Variants in SPMIP3 observed in about 807,000 individuals in gnomAD.
SPMIP3 encodes the protein sperm microtubule inner protein 3.
At chr1:244,369,513 A>T in the SPMIP3 span, among the ~76,000 whole-genome samples, 3 of 152,190 alleles carry the variant, frequency 2.0e-5, no homozygotes, top group Non-Finnish European at 4.4e-5. Flanking sequence ...GGACGTGAAC[A>T]CACAAGGAGT....
At chr1:244,361,235 C>CTTTTTTTTTTTTTTTTT in the SPMIP3 span, among the ~76,000 whole-genome samples, 466 of 119,222 alleles carry the variant, frequency 3.9e-3, 11 homozygotes, top group Non-Finnish European at 5.8e-3. Flanking sequence ...TTCTTTCTTT[C>CTTTTTTTTTTTTTTTTT]TTTTTTTTTT....
At chr1:244,357,011 C>T in the SPMIP3 span, among the ~76,000 whole-genome samples, 1 of 151,104 alleles carries the variant, frequency 6.6e-6, no homozygotes, top group African/African-American at 2.4e-5. Flanking sequence ...CAACCTCCAC[C>T]TCCCAGGCTC....
At chr1:244,375,392 G>A in the SPMIP3 span, 1 of 1,613,776 alleles carries the variant, frequency 6.2e-7, no homozygotes, top group South Asian at 1.1e-5. Context: ...GCTCACCAAG[G>A]AAGAGACGTT....
the SPMIP3 span, among the ~76,000 whole-genome samples, chr1:244,375,942 C>G: frequency 1.3e-5 from 2 of 152,196 alleles, no homozygotes; most frequent in African/African-American, 4.8e-5. Flanking sequence ...GCTGGGATTA[C>G]AGGCATGAGC....
chr1:244,388,807 CT>C, the SPMIP3 span: 8 of 587,996 alleles, frequency 1.4e-5, no homozygotes, highest in Non-Finnish European at 1.8e-5. Flanking sequence ...TGACTGAGTC[CT>C]TTTTCCCACA....
chr1:244,361,596 TC>T, the SPMIP3 span, among the ~76,000 whole-genome samples: 3,516 of 152,244 alleles, frequency 0.023, 120 homozygotes, highest in African/African-American at 0.079. Context: ...AATGATAAAT[TC>T]TTGAGGTGAT....
chr1:244,360,681 C>A, the SPMIP3 span, among the ~76,000 whole-genome samples: 1 of 151,884 alleles, frequency 6.6e-6, no homozygotes, highest in Non-Finnish European at 1.5e-5. Context: ...GTCAGGAGTT[C>A]CAAGACCAGC....
the SPMIP3 span, among the ~76,000 whole-genome samples, chr1:244,361,235 C>CTTTCT: frequency 1.7e-5 from 2 of 119,314 alleles, no homozygotes; most frequent in African/African-American, 6.1e-5. Flanking sequence ...TTCTTTCTTT[C>CTTTCT]TTTTTTTTTT....
the SPMIP3 span, among the ~76,000 whole-genome samples, chr1:244,354,779 T>G: frequency 1.3e-5 from 2 of 152,226 alleles, no homozygotes. Flanking sequence ...TTTCAGATGC[T>G]TCATATCAGG....
At chr1:244,364,734 C>T in the SPMIP3 span, 16 of 1,613,908 alleles carry the variant, frequency 9.9e-6, no homozygotes, top group South Asian at 6.6e-5. Context: ...ATTTATTGAG[C>T]GTCGCCCAGT....
At chr1:244,367,354 A>G in the SPMIP3 span, among the ~76,000 whole-genome samples, 1 of 152,076 alleles carries the variant, frequency 6.6e-6, no homozygotes. Context: ...TGAGGACAAG[A>G]GTGGGGGTTA....
At chr1:244,373,933 G>A in the SPMIP3 span, among the ~76,000 whole-genome samples, 1 of 151,948 alleles carries the variant, frequency 6.6e-6, no homozygotes, top group African/African-American at 2.4e-5. Context: ...AGCCACCATG[G>A]TGAAACCCAT....
the SPMIP3 span, among the ~76,000 whole-genome samples, chr1:244,363,085 T>C: frequency 6.6e-6 from 1 of 151,788 alleles, no homozygotes; most frequent in Non-Finnish European, 1.5e-5. Context: ...AGTAGTTTGC[T>C]TGTGGCAAGC....
chr1:244,353,271 G>C, the SPMIP3 span, among the ~76,000 whole-genome samples: 2 of 152,116 alleles, frequency 1.3e-5, no homozygotes, highest in African/African-American at 4.8e-5. Context: ...TTGGCCAAGC[G>C]TGGCGGCTCA....
the SPMIP3 span, among the ~76,000 whole-genome samples, chr1:244,381,815 C>T: frequency 6.6e-6 from 1 of 152,196 alleles, no homozygotes; most frequent in African/African-American, 2.4e-5. Context: ...CCTATAATCC[C>T]AGCTACCTGG....
At chr1:244,357,261 C>T in the SPMIP3 span, among the ~76,000 whole-genome samples, 2 of 121,540 alleles carry the variant, frequency 1.6e-5, no homozygotes, top group African/African-American at 2.9e-5. Flanking sequence ...CATAAGTAAA[C>T]GTACAGTATG....
chr1:244,362,055 A>G, the SPMIP3 span, among the ~76,000 whole-genome samples: 1 of 152,146 alleles, frequency 6.6e-6, no homozygotes, highest in Non-Finnish European at 1.5e-5. Context: ...GTAAAAGTAC[A>G]TTATATAATG....
chr1:244,363,149 T>G, the SPMIP3 span, among the ~76,000 whole-genome samples: 1 of 152,150 alleles, frequency 6.6e-6, no homozygotes, highest in Non-Finnish European at 1.5e-5. Context: ...CTCATGCCTG[T>G]AATCCCAGCA....
At chr1:244,360,801 T>C in the SPMIP3 span, among the ~76,000 whole-genome samples, 1 of 151,564 alleles carries the variant, frequency 6.6e-6, no homozygotes, top group African/African-American at 2.4e-5. Flanking sequence ...GGAGAATTGC[T>C]TCACCCTGGG....
Sources: gnomAD v4.1 joint callset for allele counts (sites outside exome capture counted in the v4.1 genomes callset) on GRCh38, gnomAD v4.1.1 for gene constraint, MANE v1.5 for transcripts, NCBI Gene and HGNC (gene_info 2026-07-23, HGNC 2026-07-21) for gene names.